The following DOCK3 variants were observed in gnomAD, a reference collection of about 807,000 sequenced individuals.
DOCK3 encodes dedicator of cytokinesis 3.
Under a neutral mutation model 265.6 loss-of-function variants are expected in DOCK3, and 60 were observed. The observed-to-expected ratio is 0.23, with a 90% CI of 0.18 to 0.28. DOCK3 has a LOEUF of 0.28. Among genes scored for constraint, DOCK3 ranks in the 10% least tolerant of loss-of-function variants. The probability of loss-of-function intolerance (pLI) is 1.00; values close to 1 mark genes in which losing one functional copy is unlikely to be tolerated. For synonymous variants in DOCK3, 881 were observed against 938.0 expected (o/e 0.94, Z 1.11); for missense variants, 1,981 against 2,594.3 (o/e 0.76, Z 5.14).
Position 50,675,289 on chromosome 3 carries a change from A to G in DOCK3, c.26A>G (p.Lys9Arg). The change falls in exon 1 of 53, where the codon AAA becomes AGA. Residue 9 changes from lysine (K) to arginine (R), a missense_variant. Coordinates refer to ENST00000266037, the MANE Select transcript of DOCK3 (RefSeq NM_004947.5). This position sits in a 1 kb window ranked among gnomAD's most constrained non-coding sequence, Gnocchi z 6.1. ...ATGTGGACCCCCACGGAGGAGGAGA[A>G]ATACGGCGTAGGTAGGTGAGGCTCA... is the stretch of plus-strand genomic sequence containing the variant. MWTPTEEE[K>R]YGVVICSFRG... 7.9e-7 allele frequency: 1 copy of G among 1,271,158 alleles called. No homozygotes were observed. Among genetic ancestry groups the G allele is most frequent in the South Asian group, 2.6e-5 (1 of 39,026 alleles). The allele number at this position is 1,271,158 out of a possible 1,614,324, so 78.7% of individuals were successfully genotyped here.
At chr3:51,192,329 C>G (rs766032245) in intron 12 of DOCK3, among the ~76,000 whole-genome samples, 2 of 151,404 alleles carry the variant, frequency 1.3e-5, no homozygotes, top group Non-Finnish European at 2.9e-5. Context: ...GAGGACGGAA[C>G]TCTCTCTAAT....
intron 5 of DOCK3, among the ~76,000 whole-genome samples, chr3:50,948,021 A>AATTATT (rs374547418): frequency 8.3e-6 from 1 of 120,354 alleles, no homozygotes; most frequent in African/African-American, 3.2e-5. Flanking sequence ...ACGCCCAGCT[A>AATTATT]ATTATTATTA....
chr3:51,122,560 A>G (rs900380580), intron 9 of DOCK3, among the ~76,000 whole-genome samples: 20 of 152,254 alleles, frequency 1.3e-4, no homozygotes, highest in African/African-American at 4.6e-4. Context: ...GGATTTTTGC[A>G]TTGAAACATA....
At chr3:50,852,596 G>T (rs1434171207) in intron 3 of DOCK3, among the ~76,000 whole-genome samples, 6 of 152,068 alleles carry the variant, frequency 3.9e-5, no homozygotes, top group Admixed American at 3.9e-4. Context: ...TTTAATGCAT[G>T]TGAGGTATTT....
At chr3:51,226,256 A>G (rs1038900761) in intron 15 of DOCK3, among the ~76,000 whole-genome samples, 24 of 152,204 alleles carry the variant, frequency 1.6e-4, no homozygotes, top group Admixed American at 1.1e-3. Flanking sequence ...AATGTAGTAC[A>G]AGTGTCCTCT....
intron 1 of DOCK3, among the ~76,000 whole-genome samples, chr3:50,753,552 A>G (rs2039970603): frequency 6.6e-6 from 1 of 152,116 alleles, no homozygotes; most frequent in Non-Finnish European, 1.5e-5. Context: ...TTGTAGAGAC[A>G]GGGTCTCACT....
intron 9 of DOCK3, among the ~76,000 whole-genome samples, chr3:51,111,413 C>T (rs1435397628): frequency 1.3e-5 from 2 of 152,036 alleles, no homozygotes; most frequent in African/African-American, 4.8e-5. Flanking sequence ...ATAGAGAGAC[C>T]AGAAATAAGG....
intron 9 of DOCK3, among the ~76,000 whole-genome samples, chr3:51,102,084 T>G (rs970371021): frequency 6.6e-6 from 1 of 152,224 alleles, no homozygotes; most frequent in Non-Finnish European, 1.5e-5. Flanking sequence ...TCTGAAAACG[T>G]GGTACTTGGA....
intron 27 of DOCK3, among the ~76,000 whole-genome samples, chr3:51,307,534 T>A (rs879737914): frequency 7.9e-5 from 12 of 152,174 alleles, no homozygotes; most frequent in Admixed American, 4.6e-4. Context: ...AATCAATAAC[T>A]CTCCGCATTT....
chr3:51,077,519 G>C (rs1399301072), intron 7 of DOCK3, among the ~76,000 whole-genome samples: 1 of 152,110 alleles, frequency 6.6e-6, no homozygotes, highest in Non-Finnish European at 1.5e-5. Context: ...GTTGGATTCT[G>C]AATATATTTT....
chr3:51,287,622 A>G (rs1194526968), intron 27 of DOCK3, among the ~76,000 whole-genome samples: 1 of 152,228 alleles, frequency 6.6e-6, no homozygotes, highest in Non-Finnish European at 1.5e-5. Flanking sequence ...TAAAAAATTA[A>G]AAGTCAAAAA....
intron 1 of DOCK3, among the ~76,000 whole-genome samples, chr3:50,743,059 T>G (rs996398692): frequency 6.6e-6 from 1 of 151,996 alleles, no homozygotes; most frequent in African/African-American, 2.4e-5. Flanking sequence ...AAGAAAAGAA[T>G]TTTCAACCCA....
At chr3:50,694,700 A>G (rs1195754484) in intron 1 of DOCK3, among the ~76,000 whole-genome samples, 1 of 152,170 alleles carries the variant, frequency 6.6e-6, no homozygotes, top group African/African-American at 2.4e-5. Flanking sequence ...AATCCCAGCT[A>G]CTTGGGAGGC....
At chr3:51,305,834 C>CTTTTTTTTTTTT (rs761039681) in intron 27 of DOCK3, among the ~76,000 whole-genome samples, 2 of 50,554 alleles carry the variant, frequency 4.0e-5, no homozygotes, top group Non-Finnish European at 6.4e-5. Flanking sequence ...ATTTCTTCTT[C>CTTTTTTTTTTTT]TTTTTTTTTT....
chr3:50,838,915 A>G (rs1308739453), intron 2 of DOCK3, among the ~76,000 whole-genome samples: 1 of 152,174 alleles, frequency 6.6e-6, no homozygotes, highest in Admixed American at 6.5e-5. Flanking sequence ...CAGTTTTAAG[A>G]AAAGGTGATG....
At chr3:51,161,662 A>G (rs145896859) in intron 12 of DOCK3, among the ~76,000 whole-genome samples, 210 of 152,278 alleles carry the variant, frequency 1.4e-3, no homozygotes, top group African/African-American at 4.8e-3. Context: ...AGAAAAGCTA[A>G]CAATATGCTT....
chr3:51,002,775 G>A (rs931851637), intron 5 of DOCK3, among the ~76,000 whole-genome samples: 21 of 152,108 alleles, frequency 1.4e-4, no homozygotes, highest in African/African-American at 4.6e-4. Flanking sequence ...TGGATAAAAT[G>A]CTTGTAGCTC....
At chr3:51,110,376 C>CCAA (rs1560075647) in intron 9 of DOCK3, among the ~76,000 whole-genome samples, 1 of 151,946 alleles carries the variant, frequency 6.6e-6, no homozygotes, top group Non-Finnish European at 1.5e-5. Flanking sequence ...ACCACCACCA[C>CCAA]CAACAACAAC....
At chr3:50,833,555 A>G (rs753892268) in intron 2 of DOCK3, among the ~76,000 whole-genome samples, 1 of 152,308 alleles carries the variant, frequency 6.6e-6, no homozygotes, top group East Asian at 1.9e-4. Flanking sequence ...TGAATTGGGT[A>G]AACTCATCTC....
Sources: gnomAD v4.1 joint callset for allele counts (sites outside exome capture counted in the v4.1 genomes callset) on GRCh38, gnomAD v4.1.1 for gene constraint, Gnocchi (gnomAD v3.1) non-coding constraint, MANE v1.5 for transcripts, NCBI Gene and HGNC (gene_info 2026-07-23, HGNC 2026-07-21) for gene names.